SCARA5: variants seen among roughly 807,000 people sequenced by gnomAD.
The protein encoded by SCARA5 is scavenger receptor class A member 5, also known as scavenger receptor class A, member 5 (putative).
SCARA5 carries 45 observed loss-of-function variants against 46.3 expected under a neutral mutation model. The ratio of observed to expected loss-of-function variants is 0.97; its 90% CI spans 0.76 to 1.24. SCARA5 has a LOEUF of 1.24. SCARA5 is among the 50% of genes most tolerant of loss of function. SCARA5 has a pLI of 0.00. For missense variants in SCARA5, 680 were observed against 689.0 expected (o/e 0.99, Z 0.15); for synonymous variants, 333 against 306.5 (o/e 1.09, Z -0.90).
At chr8:27,983,058 C>T (rs1213021787) in intron 2 of SCARA5, among the ~76,000 whole-genome samples, 2 of 152,234 alleles carry the variant, frequency 1.3e-5, no homozygotes, top group South Asian at 2.1e-4. Flanking sequence ...GTCCCCTCAC[C>T]TCCTCTCTTG....
chr8:27,966,496 C>T lies in SCARA5; in HGVS notation c.159G>A (p.Gly53=), dbSNP rs117581571. The T allele has an allele frequency of 2.8e-5, 45 of 1,613,874 alleles. No homozygotes were observed. The East Asian group carries it at 7.4e-4, about 26-fold the overall frequency. ...CAGCATGCTTCAGGGCCGACAGGGA[C>T]CCCAGCTGGGTACAGCAGATGCTTG... is the stretch of plus-strand genomic sequence containing the variant. ...RRASICCTQL[G]SLSALKHAVL... is the part of the protein sequence containing the mutation. The change falls in exon 3 of 9, where the codon GGG becomes GGA. Residue 53 remains glycine (G), a synonymous_variant. Transcript: ENST00000354914.
At chr8:27,954,074 C>T (rs867822608) in intron 3 of SCARA5, among the ~76,000 whole-genome samples, 7 of 152,316 alleles carry the variant, frequency 4.6e-5, no homozygotes, top group East Asian at 1.9e-4. Flanking sequence ...CAGAACTCAT[C>T]GTTCCCAGCT....
intron 4 of SCARA5, among the ~76,000 whole-genome samples, chr8:27,912,954 G>A (rs548024708): frequency 3.3e-5 from 5 of 152,320 alleles, no homozygotes; most frequent in African/African-American, 1.2e-4. Flanking sequence ...TGGATTCAGT[G>A]GCATGATGAC....
At chr8:27,912,772 CA>C (rs1807398796) in intron 4 of SCARA5, among the ~76,000 whole-genome samples, 1 of 152,230 alleles carries the variant, frequency 6.6e-6, no homozygotes, top group South Asian at 2.1e-4. Flanking sequence ...GTGCAACCTG[CA>C]GGGGGGTCTT....
At chr8:27,882,475 G>C (rs564716964) in intron 7 of SCARA5, among the ~76,000 whole-genome samples, 2 of 152,230 alleles carry the variant, frequency 1.3e-5, no homozygotes, top group Admixed American at 6.5e-5. Flanking sequence ...TTGCCTGCTA[G>C]GGAGGAGGGT....
chr8:27,934,404 G>A (rs1807823874), intron 3 of SCARA5, among the ~76,000 whole-genome samples: 1 of 152,180 alleles, frequency 6.6e-6, no homozygotes, highest in Non-Finnish European at 1.5e-5. Context: ...TTGAAAACCA[G>A]AACTTATAAA....
chr8:27,959,048 C>T (rs1015688054), intron 3 of SCARA5, among the ~76,000 whole-genome samples: 3 of 152,120 alleles, frequency 2.0e-5, no homozygotes, highest in African/African-American at 7.2e-5. Context: ...GCCTGGCAAA[C>T]ATGGCAAAAC....
Position 27,871,781 on chromosome 8 carries a change from G to C in SCARA5, c.*153C>G, listed in dbSNP as rs555122050. Reference sequence around the variant, plus strand: ...CATGTTCAAGAGGGAAATGACGACCGGCCCCCACGGTCCTGGGATGCAGGT... The same window carrying C: ...CATGTTCAAGAGGGAAATGACGACCCGCCCCCACGGTCCTGGGATGCAGGT... On this transcript the variant is annotated 3_prime_UTR_variant, in exon 9 of 9. Transcript: ENST00000354914. 2,781 of 1,477,522 alleles carry C rather than the reference G, an allele frequency of 1.9e-3. 6 individuals carry two copies. The highest frequency in any genetic ancestry group is 2.2e-3 in the Non-Finnish European group (2,511 of 1,116,550). The allele number at this position is 1,477,522 out of a possible 1,614,324, so 91.5% of individuals were successfully genotyped here. A position where few individuals can be genotyped will look rare whatever the true frequency, so the allele number is the denominator to read the frequency against.
At chr8:27,946,837 C>T (rs1448238856) in intron 3 of SCARA5, among the ~76,000 whole-genome samples, 1 of 152,150 alleles carries the variant, frequency 6.6e-6, no homozygotes, top group Non-Finnish European at 1.5e-5. Context: ...ATCTGCATTT[C>T]AAATAACAAC....
rs142025085 is a variant in SCARA5 at position 27,989,624 on chromosome 8, G to T, written c.-15-1994C>A. ...GCATGTGCACACACACAGCCTTGGG[G>T]CTCCCAGTATCTGCGGGCCTCTCCT... On this transcript the variant is annotated intron_variant, in intron 1 of 8. Coordinates refer to ENST00000354914, the MANE Select transcript of SCARA5 (RefSeq NM_173833.6). Among the ~76,000 whole-genome samples the T allele has an allele frequency of 3.6e-3, 549 of 152,310 alleles. 2 individuals carry two copies. Among genetic ancestry groups the T allele is most frequent in the African/African-American group, 0.013 (535 of 41,568 alleles).
chr8:27,909,488 C>T (rs893404761), intron 5 of SCARA5, among the ~76,000 whole-genome samples, 175 bp downstream of exon 5: 1 of 152,146 alleles, frequency 6.6e-6, no homozygotes, highest in Admixed American at 6.5e-5. Context: ...AAAGTATGCG[C>T]TGCATCCCAC....
intron 2 of SCARA5, among the ~76,000 whole-genome samples, chr8:27,977,090 C>T (rs1446529383): frequency 6.6e-6 from 1 of 152,178 alleles, no homozygotes; most frequent in Non-Finnish European, 1.5e-5. Context: ...TACACAGCCG[C>T]CCCACTCCTC....
chr8:27,881,433 A>G (rs1043373172), intron 7 of SCARA5, among the ~76,000 whole-genome samples: 1 of 146,772 alleles, frequency 6.8e-6, no homozygotes, highest in Non-Finnish European at 1.5e-5. Flanking sequence ...CATTATCCTA[A>G]GTGAATTAAT....
At chr8:27,915,908 G>A (rs1306002571) in intron 4 of SCARA5, among the ~76,000 whole-genome samples, 1 of 127,278 alleles carries the variant, frequency 7.9e-6, no homozygotes, top group Non-Finnish European at 1.8e-5. Context: ...ACTTTGTTCA[G>A]GTTTCCCCTT....
At chr8:27,931,527 A>G (rs1039617208) in intron 3 of SCARA5, among the ~76,000 whole-genome samples, 1 of 152,112 alleles carries the variant, frequency 6.6e-6, no homozygotes, top group African/African-American at 2.4e-5. Context: ...ATAGGGCTCT[A>G]GGCACCTATA....
chr8:27,972,226 A>G (rs1179618644), intron 2 of SCARA5, among the ~76,000 whole-genome samples: 2 of 152,150 alleles, frequency 1.3e-5, no homozygotes, highest in African/African-American at 4.8e-5. Context: ...CCGAAGCAGG[A>G]GAATTGTTGG....
intron 8 of SCARA5, among the ~76,000 whole-genome samples, chr8:27,874,469 C>T (rs993902428): frequency 6.6e-6 from 1 of 152,232 alleles, no homozygotes; most frequent in Non-Finnish European, 1.5e-5. Context: ...CTGGCCAATG[C>T]CTGCTTTTAT....
rs998968448 is a variant in SCARA5 at position 27,959,009 on chromosome 8, G to T, written c.241+7405C>A. ...GCACGTTGGGAGGCCGAGGCAGGAA[G>T]ATCACTTGAGGCCAGGAGTTTAAGA... On this transcript the variant is annotated intron_variant, in intron 3 of 8. Coordinates refer to ENST00000354914, the MANE Select transcript of SCARA5 (RefSeq NM_173833.6). Among the ~76,000 whole-genome samples, 21 of 152,170 alleles carry T rather than the reference G, an allele frequency of 1.4e-4. 1 individual carries two copies. Among genetic ancestry groups the T allele is most frequent in the African/African-American group, 3.4e-4 (14 of 41,438 alleles).
At chr8:27,883,753 G>A (rs1485658365) in intron 7 of SCARA5, among the ~76,000 whole-genome samples, 1 of 152,156 alleles carries the variant, frequency 6.6e-6, no homozygotes, top group East Asian at 1.9e-4. Context: ...TGGGGTAGGG[G>A]TGGACATTGT....
Sources: allele counts gnomAD v4.1 joint callset (sites outside exome capture counted in the v4.1 genomes callset), GRCh38; gene constraint gnomAD v4.1.1; transcripts MANE v1.5; gene names NCBI Gene and HGNC (gene_info 2026-07-23, HGNC 2026-07-21).